RGS5: variants seen among roughly 807,000 people sequenced by gnomAD.
RGS5 encodes the protein regulator of G-protein signalling 5.
A neutral mutation model predicts 18.9 loss-of-function variants in RGS5; 20 were observed. The ratio of observed to expected loss-of-function variants is 1.06; its 90% CI spans 0.74 to 1.54. The LOEUF (loss-of-function observed/expected upper bound fraction) is 1.54, where lower values mean the gene tolerates loss of function less well. Among genes scored for constraint, RGS5 ranks in the 40% most tolerant of loss-of-function variants. The probability of loss-of-function intolerance (pLI) is 0.00; values close to 1 mark genes in which losing one functional copy is unlikely to be tolerated. For missense variants in RGS5, 201 were observed against 211.8 expected (o/e 0.95, Z 0.32); for synonymous variants, 57 against 76.2 (o/e 0.75, Z 1.31).
intron 2 of RGS5, among the ~76,000 whole-genome samples, chr1:163,262,263 T>C (rs1648463972): frequency 8.6e-6 from 1 of 116,870 alleles, no homozygotes; most frequent in African/African-American, 3.3e-5. Context: ...CCCACTAATG[T>C]GTCATCTAGC....
chr1:163,240,235 A>G (rs1412535722), intron 2 of RGS5, among the ~76,000 whole-genome samples: 1 of 152,160 alleles, frequency 6.6e-6, no homozygotes, highest in Non-Finnish European at 1.5e-5. Flanking sequence ...AAATAGACAA[A>G]TAAGTACGGA....
At chr1:163,184,505 G>A (rs1221744994) in intron 1 of RGS5, among the ~76,000 whole-genome samples, 2 of 152,054 alleles carry the variant, frequency 1.3e-5, no homozygotes, top group East Asian at 1.9e-4. Context: ...AAGGAGAAAG[G>A]GGAACAAGTC....
At position 163,232,434 on chromosome 1, in the gene RGS5, T is replaced by C. The variant is rs145118166; in HGVS notation, c.-280-64066A>G. Reference sequence around the variant, plus strand: ...AAACTTTTTGTAGGAGATGTAGTTATATACACAATAAGTCTGGGTGAAATA... The same window carrying C: ...AAACTTTTTGTAGGAGATGTAGTTACATACACAATAAGTCTGGGTGAAATA... On this transcript the variant is annotated intron_variant, in intron 2 of 5. Coordinates refer to the RGS5 transcript ENST00000618415. Among the ~76,000 whole-genome samples the C allele has an allele frequency of 4.5e-3, 685 of 152,296 alleles. 5 individuals carry two copies. The highest frequency in any genetic ancestry group is 0.016 in the African/African-American group (654 of 41,570).
At chr1:163,292,416 T>A (rs2101726435) in intron 2 of RGS5, among the ~76,000 whole-genome samples, 1 of 152,334 alleles carries the variant, frequency 6.6e-6, no homozygotes, top group Admixed American at 6.5e-5. Context: ...ATCCAGTCTA[T>A]CATTGATGGG....
chr1:163,150,423 A>C (rs1458849262), intron 4 of RGS5, among the ~76,000 whole-genome samples: 1 of 152,166 alleles, frequency 6.6e-6, no homozygotes, highest in East Asian at 1.9e-4. Context: ...TGTGAAGAGG[A>C]AGTCAAGTTG....
At chr1:163,259,726 A>T (rs771057665) in intron 2 of RGS5, 1 of 152,244 alleles carries the variant, frequency 6.6e-6, no homozygotes, top group Non-Finnish European at 1.5e-5. Context: ...ATCTATTAAG[A>T]AACTTCGAGT....
chr1:163,228,194 T>A (rs1647384430), intron 2 of RGS5, among the ~76,000 whole-genome samples: 1 of 152,234 alleles, frequency 6.6e-6, no homozygotes, highest in East Asian at 1.9e-4. Flanking sequence ...GCATTTCCCA[T>A]CCTCACTGCC....
At chr1:163,152,451 T>C in intron 4 of RGS5, 99 bp downstream of exon 4, 1 of 1,278,856 alleles carries the variant, frequency 7.8e-7, no homozygotes. Context: ...CAAATAGGAA[T>C]AGCCTTTGGC....
intron 2 of RGS5, among the ~76,000 whole-genome samples, chr1:163,250,059 A>C (rs1044032340): frequency 6.6e-6 from 1 of 152,164 alleles, no homozygotes; most frequent in African/African-American, 2.4e-5. Context: ...TAATTCATTT[A>C]ACTTAATACC....
At chr1:163,155,951 T>G (rs1376392640) in intron 3 of RGS5, among the ~76,000 whole-genome samples, 1 of 152,180 alleles carries the variant, frequency 6.6e-6, no homozygotes, top group Non-Finnish European at 1.5e-5. Flanking sequence ...ATGGTGTCAC[T>G]TTTGACATCC....
At chr1:163,193,611 C>T (rs761576955) in intron 1 of RGS5, among the ~76,000 whole-genome samples, 16 of 152,084 alleles carry the variant, frequency 1.1e-4, no homozygotes, top group Non-Finnish European at 2.1e-4. Flanking sequence ...TTTCTAATGC[C>T]TAGTCTGGAG....
chr1:163,283,292 T>C (rs1482312333), intron 2 of RGS5, among the ~76,000 whole-genome samples: 5 of 152,174 alleles, frequency 3.3e-5, no homozygotes, highest in Non-Finnish European at 5.9e-5. Context: ...ATTTGAATGT[T>C]TGAATGTTCA....
At chr1:163,304,794 T>C (rs946416499) in intron 2 of RGS5, 1 of 152,226 alleles carries the variant, frequency 6.6e-6, no homozygotes, top group Non-Finnish European at 1.5e-5. Context: ...TCTTCAATGA[T>C]TACCAGGGCC....
intron 2 of RGS5, among the ~76,000 whole-genome samples, chr1:163,261,904 A>G (rs1262127449): frequency 6.6e-6 from 1 of 151,952 alleles, no homozygotes; most frequent in African/African-American, 2.4e-5. Context: ...ATTATTTCTC[A>G]TTCAGTTTTT....
At chr1:163,276,212 T>A (rs529541450) in intron 2 of RGS5, among the ~76,000 whole-genome samples, 6 of 152,258 alleles carry the variant, frequency 3.9e-5, no homozygotes, top group Admixed American at 3.9e-4. Flanking sequence ...CAGGCTGGTC[T>A]CGAACTCCCG....
intron 1 of RGS5, among the ~76,000 whole-genome samples, chr1:163,210,061 C>T (rs1245017833): frequency 6.6e-6 from 1 of 151,988 alleles, no homozygotes; most frequent in African/African-American, 2.4e-5. Context: ...GCAATCTCAG[C>T]TCACTATAAC....
At chr1:163,158,038 T>G (rs960626204) in intron 3 of RGS5, among the ~76,000 whole-genome samples, 3 of 152,212 alleles carry the variant, frequency 2.0e-5, no homozygotes, top group Admixed American at 6.6e-5. Flanking sequence ...TTACCTGTTT[T>G]GCATCAGCCA....
At chr1:163,207,272 A>G (rs751654241), upstream of RGS5, among the ~76,000 whole-genome samples, 4 of 152,334 alleles carry the variant, frequency 2.6e-5, no homozygotes, top group Admixed American at 6.5e-5. Flanking sequence ...TTCTTTATAG[A>G]CCCATTGTTA....
At chr1:163,156,461 C>T (rs1234185863) in intron 3 of RGS5, among the ~76,000 whole-genome samples, 1 of 152,150 alleles carries the variant, frequency 6.6e-6, no homozygotes, top group Non-Finnish European at 1.5e-5. Flanking sequence ...TTACTACCAT[C>T]GACTTGCTCT....
Sources: allele counts gnomAD v4.1 joint callset (sites outside exome capture counted in the v4.1 genomes callset), GRCh38; gene constraint gnomAD v4.1.1; transcripts MANE v1.5; gene names NCBI Gene and HGNC (gene_info 2026-07-23, HGNC 2026-07-21).